ARMC6: variants seen among roughly 807,000 people sequenced by gnomAD.
The protein encoded by ARMC6 is armadillo repeat-containing protein 6.
Under a neutral mutation model 49.2 loss-of-function variants are expected in ARMC6, and 43 were observed. The ratio of observed to expected loss-of-function variants is 0.87; its 90% CI spans 0.69 to 1.13. The LOEUF (loss-of-function observed/expected upper bound fraction) is 1.13, where lower values mean the gene tolerates loss of function less well. Ranked by LOEUF, ARMC6 falls within the 50% of genes most tolerant of loss-of-function variation. The pLI, the probability that ARMC6 is intolerant of heterozygous loss-of-function variation, is 0.00. For synonymous variants in ARMC6, 262 were observed against 289.6 expected (o/e 0.90, Z 0.97); for missense variants, 627 against 682.0 (o/e 0.92, Z 0.90).
At chr19:19,037,294 T>A (rs1412514887) in intron 2 of ARMC6, among the ~76,000 whole-genome samples, 1 of 151,836 alleles carries the variant, frequency 6.6e-6, no homozygotes, top group Non-Finnish European at 1.5e-5. Context: ...ATGGTGGGCA[T>A]CTGCAGGAAC....
Position 19,051,894 on chromosome 19 carries a change from G to T in ARMC6, c.552G>T (p.Thr184=). 6.2e-7 allele frequency: 1 copy of T among 1,614,124 alleles called. No individual in the cohort carries two copies. The highest frequency in any genetic ancestry group is 1.1e-5 in the South Asian group (1 of 91,086). The change falls in exon 5 of 9, where the codon ACG becomes ACT. Residue 184 remains threonine (T), a synonymous_variant. Transcript: ENST00000535612. ...DAQGLQLLVA[T]LTQNADEADL... Reference sequence around the variant, plus strand: ...AGGGCCTGCAGCTCCTAGTGGCCACGCTGACCCAGAATGCTGATGAGGCTG... The same window carrying T: ...AGGGCCTGCAGCTCCTAGTGGCCACTCTGACCCAGAATGCTGATGAGGCTG...
At position 19,040,765 on chromosome 19, in the gene ARMC6, G is replaced by A. The variant is rs1382776889; in HGVS notation, c.30-1946G>A. 16 of 445,864 alleles carry A rather than the reference G, an allele frequency of 3.6e-5. No homozygotes were observed. In the Admixed American group the frequency reaches 3.8e-4, roughly 11 times the overall value. 27.6% of individuals were successfully genotyped at this position (445,864 alleles called of 1,614,324 possible). ...TGTGCTCAAGTGGTTCTCCTACCTCGGTCTCCCTGATTGCTGGGATTACAG... is the reference window on the plus strand; with the variant it reads ...TGTGCTCAAGTGGTTCTCCTACCTCAGTCTCCCTGATTGCTGGGATTACAG... On this transcript the variant is annotated intron_variant, in intron 2 of 8. Transcript: ENST00000535612.
chr19:19,043,408 A>G (rs1383558019), intron 3 of ARMC6, among the ~76,000 whole-genome samples: 1 of 152,160 alleles, frequency 6.6e-6, no homozygotes, highest in African/African-American at 2.4e-5. Context: ...GGGCAGAGGC[A>G]GGGGGCTGGG....
At chr19:19,038,436 CA>C (rs2059386695) in intron 2 of ARMC6, among the ~76,000 whole-genome samples, 1 of 152,134 alleles carries the variant, frequency 6.6e-6, no homozygotes, top group African/African-American at 2.4e-5. Context: ...GTGTTTTTAC[CA>C]AGAGTTTTAT....
chr19:19,054,951 G>C (rs569421782), intron 6 of ARMC6, among the ~76,000 whole-genome samples: 71 of 152,332 alleles, frequency 4.7e-4, no homozygotes, highest in African/African-American at 1.7e-3. Context: ...CTCATCCACT[G>C]TCCTCAGTGC....
rs4808910 is a variant in ARMC6, at chr19:19,054,347, G to T, written c.1023+26G>T. The T allele has an allele frequency of 5.4e-6, 8 of 1,485,718 alleles. No individual in the cohort carries two copies. The East Asian group carries it at 1.8e-4, about 34-fold the overall frequency. The allele number at this position is 1,485,718 out of a possible 1,614,324, so 92.0% of individuals were successfully genotyped here. On this transcript the variant is annotated intron_variant, in intron 6 of 8. Coordinates refer to ENST00000535612, the MANE Select transcript of ARMC6 (RefSeq NM_001199196.2). ...GTATGAAGTCCCCCTGGCCCATTGC[G>T]TGCTGTCCTTCTGGGTCCCAGTCAA...
intron 3 of ARMC6, among the ~76,000 whole-genome samples, chr19:19,043,718 A>C (rs1176886088): frequency 2.0e-5 from 3 of 152,114 alleles, no homozygotes; most frequent in African/African-American, 7.2e-5. Context: ...GTGGCACCTC[A>C]CTGCACAGAC....
intron 2 of ARMC6, chr19:19,037,799 A>G (rs2145843725): frequency 1.5e-6 from 1 of 656,762 alleles, no homozygotes; most frequent in East Asian, 1.2e-4. Context: ...TTCCAAAGGG[A>G]CGGTGGCAAA....
rs758813755 is a variant in ARMC6 at position 19,042,855 on chromosome 19, C to G, written c.174C>G (p.Ala58=). 6.2e-7 allele frequency: 1 copy of G among 1,613,886 alleles called. No individual in the cohort carries two copies. Among genetic ancestry groups the G allele is most frequent in the East Asian group, 2.2e-5 (1 of 44,884 alleles). Residue 58 remains alanine (A), a synonymous_variant, in exon 3 of 9, where the codon GCC becomes GCG. Coordinates refer to ENST00000535612, the MANE Select transcript of ARMC6 (RefSeq NM_001199196.2). The part of the protein sequence containing the change: ...AMGPEEAVKE[A]VEQFESQGVD... ...GGCCAGAGGAGGCAGTGAAAGAGGC[C>G]GTGGAGCAGTTTGAATCGCAAGGTA...
At chr19:19,050,952 C>T (rs1393880829) in intron 4 of ARMC6, among the ~76,000 whole-genome samples, 5 of 152,200 alleles carry the variant, frequency 3.3e-5, no homozygotes, top group African/African-American at 1.2e-4. Context: ...GGCAGCTAAA[C>T]TTATCTGAGT....
In ARMC6 at chr19:19,034,221, A is replaced by G; in HGVS notation, c.12A>G (p.Arg4=). ...CAGGGTACAAATAAATGAGTGAACG[A>G]TGTTGCTCTAGATACAGGTAATGGT... is the stretch of plus-strand genomic sequence containing the variant. The part of the protein sequence containing the change: MSE[R]CCSRYSSGAS... The change falls in exon 2 of 9, where the codon CGA becomes CGG. Residue 4 remains arginine (R), a synonymous_variant. Coordinates refer to ENST00000535612, the MANE Select transcript of ARMC6 (RefSeq NM_001199196.2). 1 of 1,595,296 alleles carries G rather than the reference A, an allele frequency of 6.3e-7. No individual in the cohort carries two copies.
At chr19:19,034,389 G>A (rs1353798897) in intron 2 of ARMC6, among the ~76,000 whole-genome samples, 151 bp downstream of exon 2, 1 of 152,104 alleles carries the variant, frequency 6.6e-6, no homozygotes, top group Admixed American at 6.6e-5. Context: ...GAGAAGGTGC[G>A]GATAAGGAGG....
At chr19:19,039,273 C>A in intron 2 of ARMC6, 1 of 398,202 alleles carries the variant, frequency 2.5e-6, no homozygotes, top group Non-Finnish European at 5.1e-6. Context: ...TAACTTCAAC[C>A]ACACGCAAAT....
At chr19:19,050,998 G>A (rs1480402396) in intron 4 of ARMC6, among the ~76,000 whole-genome samples, 1 of 152,250 alleles carries the variant, frequency 6.6e-6, no homozygotes, top group Non-Finnish European at 1.5e-5. Context: ...GCTTAGAGTT[G>A]AATTTGGATA....
chr19:19,051,269 T>C (rs891869219), intron 4 of ARMC6, among the ~76,000 whole-genome samples: 1 of 152,190 alleles, frequency 6.6e-6, no homozygotes, highest in African/African-American at 2.4e-5. Flanking sequence ...TGGTATCGCT[T>C]GGGGCCTCTT....
chr19:19,055,524 G>A lies in ARMC6; in HGVS notation c.1155+128G>A. On this transcript the variant is annotated intron_variant, in intron 7 of 8. Transcript: ENST00000535612. This position sits in a 1 kb window ranked among gnomAD's most constrained non-coding sequence, Gnocchi z 5.7. ...GGGCTGGTGAGGGTCGTGGGCATTG[G>A]CTCTCAAATGCTGACCTGCGTATGC... 7.4e-7 allele frequency: 1 copy of A among 1,344,186 alleles called. No individual in the cohort carries two copies. The allele number at this position is 1,344,186 out of a possible 1,614,324, so 83.3% of individuals were successfully genotyped here. A position where few individuals can be genotyped will look rare whatever the true frequency, so the allele number is the denominator to read the frequency against.
At chr19:19,049,654 T>A (rs998675378) in intron 4 of ARMC6, among the ~76,000 whole-genome samples, 8 of 152,216 alleles carry the variant, frequency 5.3e-5, no homozygotes, top group African/African-American at 1.9e-4. Context: ...TCCATGTTCC[T>A]CTTCCCCTCA....
chr19:19,033,937 C>T lies in ARMC6; in HGVS notation c.-80+7C>T, dbSNP rs2059301208. 4.4e-6 allele frequency: 2 copies of T among 455,890 alleles called. No individual in the cohort carries two copies. Among genetic ancestry groups the T allele is most frequent in the East Asian group, 4.2e-5 (1 of 23,802 alleles). 28.2% of individuals were successfully genotyped at this position (455,890 alleles called of 1,614,324 possible). A position where few individuals can be genotyped will look rare whatever the true frequency, so the allele number is the denominator to read the frequency against. On this transcript the variant is annotated splice_region_variant and intron_variant, in intron 1 of 8. Coordinates refer to ENST00000535612, the MANE Select transcript of ARMC6 (RefSeq NM_001199196.2). ...ACGTGGCCGCGAAGACCGGGTGAGA[C>T]GCTGCGGCTGCCGAGGCCTGTCCCG...
Position 19,054,251 on chromosome 19 carries a change from G to C in ARMC6, c.953G>C (p.Gly318Ala), listed in dbSNP as rs780945141. The C allele has an allele frequency of 2.5e-6, 4 of 1,611,954 alleles. No homozygotes were observed. The highest frequency in any genetic ancestry group is 3.4e-6 in the Non-Finnish European group (4 of 1,179,060). The change falls in exon 6 of 9, where the codon GGC becomes GCC. Residue 318 changes from glycine (G) to alanine (A), a missense_variant. Transcript: ENST00000535612. ...TGCCAGGAGGTCGTCGACCTCGGGGGCCTGAGCATTCTGGTGTCCCTGCTA... is the reference window on the plus strand; with the variant it reads ...TGCCAGGAGGTCGTCGACCTCGGGGCCCTGAGCATTCTGGTGTCCCTGCTA... ...EFCQEVVDLG[G>A]LSILVSLLAD...
Sources: gnomAD v4.1 joint callset for allele counts (sites outside exome capture counted in the v4.1 genomes callset) on GRCh38, gnomAD v4.1.1 for gene constraint, Gnocchi (gnomAD v3.1) non-coding constraint, MANE v1.5 for transcripts, NCBI Gene and HGNC (gene_info 2026-07-23, HGNC 2026-07-21) for gene names.